Variants in CNTNAP5 observed in about 807,000 individuals in gnomAD.
The protein encoded by CNTNAP5 is contactin-associated protein-like 5.
A neutral mutation model predicts 150.2 loss-of-function variants in CNTNAP5; 72 were observed. That is an observed-to-expected ratio of 0.48 (90% CI 0.40 to 0.58). The LOEUF is 0.58. Ranked by LOEUF, CNTNAP5 falls within the 20% of genes least tolerant of loss-of-function variation. The pLI is 0.00. For missense variants in CNTNAP5, 1,636 were observed against 1,626.2 expected, an observed-to-expected ratio of 1.01 and a Z score of -0.10; for synonymous variants, 672 against 619.8, an observed-to-expected ratio of 1.08 and a Z score of -1.25.
At chr2:124,271,079 T>C (rs1276659680) in intron 3 of CNTNAP5, among the ~76,000 whole-genome samples, 1 of 152,118 alleles carries the variant, frequency 6.6e-6, no homozygotes, top group Non-Finnish European at 1.5e-5. Context: ...AGCAATCTCC[T>C]ACTGTGCTAT....
intron 1 of CNTNAP5, among the ~76,000 whole-genome samples, chr2:124,036,324 G>A (rs901133065): frequency 3.3e-5 from 5 of 152,072 alleles, no homozygotes; most frequent in African/African-American, 1.2e-4. Context: ...GAAACCCACA[G>A]ACTGGCTTAG....
chr2:124,606,307 G>A (rs1299701186), intron 11 of CNTNAP5, among the ~76,000 whole-genome samples: 1 of 151,668 alleles, frequency 6.6e-6, no homozygotes, highest in East Asian at 1.9e-4. Context: ...TGGGGATGGG[G>A]GGATAAAAAG....
At position 124,903,111 on chromosome 2, in the gene CNTNAP5, G is replaced by A; in HGVS notation, c.3655+11G>A. 6.6e-7 allele frequency: 1 copy of A among 1,506,796 alleles called. No homozygotes were observed. The highest frequency in any genetic ancestry group is 1.4e-5 in the African/African-American group (1 of 72,734). 93.3% of individuals were successfully genotyped at this position (1,506,796 alleles called of 1,614,324 possible). On this transcript the variant is annotated intron_variant, in intron 22 of 23. Transcript: ENST00000682447. The stretch of plus-strand genomic sequence containing the variant: ...TGCATTCTTCATCAGGTACACTCAA[G>A]AGCATGCACAAGGGAGCTTCTGTCA...
At chr2:124,115,648 CTTTTT>C (rs10666342) in intron 1 of CNTNAP5, among the ~76,000 whole-genome samples, 1 of 123,724 alleles carries the variant, frequency 8.1e-6, no homozygotes. Context: ...GTATAATAGT[CTTTTT>C]TTTTTTTTTT....
intron 1 of CNTNAP5, among the ~76,000 whole-genome samples, chr2:124,176,221 G>A (rs1461086264): frequency 6.6e-6 from 1 of 152,290 alleles, no homozygotes; most frequent in Admixed American, 6.5e-5. Context: ...TTAAAACATG[G>A]CAAATGACCA....
chr2:124,373,053 T>C (rs929324815), intron 3 of CNTNAP5, among the ~76,000 whole-genome samples: 5 of 152,070 alleles, frequency 3.3e-5, no homozygotes, highest in Non-Finnish European at 7.4e-5. Flanking sequence ...GATGAGAATT[T>C]GGCAGTCCAA....
chr2:124,111,873 A>G (rs143532854), intron 1 of CNTNAP5, among the ~76,000 whole-genome samples: 1 of 152,338 alleles, frequency 6.6e-6, no homozygotes, highest in African/African-American at 2.4e-5. Flanking sequence ...TTTTTTTAAG[A>G]AATCAATTCA....
chr2:124,103,205 A>G (rs6726254), intron 1 of CNTNAP5, among the ~76,000 whole-genome samples: 138 of 152,354 alleles, frequency 9.1e-4, no homozygotes, highest in African/African-American at 3.2e-3. Context: ...AATATTTTGT[A>G]TAGTGGGGCA....
intron 3 of CNTNAP5, among the ~76,000 whole-genome samples, chr2:124,336,838 G>GGT (rs1292895754): frequency 6.6e-6 from 1 of 151,890 alleles, no homozygotes; most frequent in East Asian, 1.9e-4. Flanking sequence ...TAAACATACT[G>GGT]GTGTGTGTGT....
chr2:124,104,567 T>G (rs1195985059), intron 1 of CNTNAP5, among the ~76,000 whole-genome samples: 13 of 152,170 alleles, frequency 8.5e-5, no homozygotes, highest in African/African-American at 3.1e-4. Flanking sequence ...TTGCTAATGA[T>G]TTCCCGACTG....
At chr2:124,702,647 G>C (rs1411637845) in intron 13 of CNTNAP5, among the ~76,000 whole-genome samples, 2 of 151,972 alleles carry the variant, frequency 1.3e-5, no homozygotes, top group African/African-American at 4.8e-5. Flanking sequence ...GAAGGGGCTG[G>C]AGAATTGCAT....
At chr2:124,653,918 C>CCCT (rs1463876236) in intron 13 of CNTNAP5, among the ~76,000 whole-genome samples, 1 of 137,960 alleles carries the variant, frequency 7.2e-6, no homozygotes, top group Non-Finnish European at 1.6e-5. Context: ...CCAACCCCCC[C>CCCT]CCCCCGCCAC....
At chr2:124,177,890 A>G (rs2104674882) in intron 1 of CNTNAP5, among the ~76,000 whole-genome samples, 1 of 146,936 alleles carries the variant, frequency 6.8e-6, no homozygotes, top group East Asian at 2.0e-4. Context: ...TCTGTTGCCT[A>G]GGCTGGAGTG....
In CNTNAP5 at chr2:124,843,020, T is replaced by C. The variant is rs561224283; in HGVS notation, c.3218-22286T>C. ...GCACACATCACACAAGCATTGTACATGGTACCCAATATGTAACATTTTATT... is the reference window on the plus strand; with the variant it reads ...GCACACATCACACAAGCATTGTACACGGTACCCAATATGTAACATTTTATT... On this transcript the variant is annotated intron_variant, in intron 19 of 23. Transcript: ENST00000682447. Among the ~76,000 whole-genome samples the C allele has an allele frequency of 8.3e-4, 126 of 152,164 alleles. 3 individuals are homozygous for C. In the South Asian group the frequency reaches 0.025, roughly 30 times the overall value.
chr2:124,626,131 A>G (rs749132821), intron 12 of CNTNAP5, among the ~76,000 whole-genome samples: 1 of 152,150 alleles, frequency 6.6e-6, no homozygotes, highest in Non-Finnish European at 1.5e-5. Context: ...TCATAGAATG[A>G]TCTAGATGCT....
chr2:124,094,189 G>A (rs557182371), intron 1 of CNTNAP5, among the ~76,000 whole-genome samples: 1 of 152,310 alleles, frequency 6.6e-6, no homozygotes, highest in Admixed American at 6.5e-5. Flanking sequence ...TCAGCAAAGG[G>A]CAGAAATGGT....
At chr2:124,453,379 G>A (rs1264049281) in intron 6 of CNTNAP5, among the ~76,000 whole-genome samples, 1 of 152,186 alleles carries the variant, frequency 6.6e-6, no homozygotes, top group Non-Finnish European at 1.5e-5. Context: ...GGATGTCTGG[G>A]ATTATGTTAA....
intron 10 of CNTNAP5, among the ~76,000 whole-genome samples, chr2:124,552,972 G>C (rs1247400510): frequency 2.6e-5 from 4 of 152,064 alleles, no homozygotes; most frequent in African/African-American, 9.7e-5. Context: ...GTTTTTAACT[G>C]TTATCAATGA....
chr2:124,673,897 A>G (rs1307145833), intron 13 of CNTNAP5, among the ~76,000 whole-genome samples: 1 of 152,126 alleles, frequency 6.6e-6, no homozygotes, highest in Non-Finnish European at 1.5e-5. Flanking sequence ...ACTCACAAAA[A>G]TGTATAATTT....
Sources: allele counts gnomAD v4.1 joint callset (sites outside exome capture counted in the v4.1 genomes callset), GRCh38; gene constraint gnomAD v4.1.1; transcripts MANE v1.5; gene names NCBI Gene and HGNC (gene_info 2026-07-23, HGNC 2026-07-21).